The following FHIT variants were observed in gnomAD, a reference collection of about 807,000 sequenced individuals.
FHIT encodes the protein bis(5'-adenosyl)-triphosphatase.
Under a neutral mutation model 17.9 loss-of-function variants are expected in FHIT, and 19 were observed. The observed-to-expected ratio is 1.06, with a 90% CI of 0.74 to 1.56. The LOEUF is 1.56. FHIT is among the 40% of genes most tolerant of loss of function. The pLI, the probability that FHIT is intolerant of heterozygous loss-of-function variation, is 0.00. For missense variants in FHIT, 248 were observed against 189.2 expected (o/e 1.31, Z -1.82); for synonymous variants, 81 against 69.7 (o/e 1.16, Z -0.81).
intron 5 of FHIT, among the ~76,000 whole-genome samples, chr3:60,376,140 A>G (rs751502572): frequency 1.3e-5 from 2 of 152,112 alleles, no homozygotes; most frequent in African/African-American, 4.8e-5. Context: ...TTATTTGTTT[A>G]ATGTCCATCT....
chr3:60,398,605 C>G (rs1701545342), intron 5 of FHIT, among the ~76,000 whole-genome samples: 1 of 152,126 alleles, frequency 6.6e-6, no homozygotes, highest in Admixed American at 6.6e-5. Flanking sequence ...AGTATGAATA[C>G]TTTATAATCT....
chr3:60,262,027 T>C (rs1178932642), intron 5 of FHIT, among the ~76,000 whole-genome samples: 2 of 152,040 alleles, frequency 1.3e-5, no homozygotes, highest in Non-Finnish European at 2.9e-5. Context: ...CATTAAAACA[T>C]GTACATTTCC....
intron 2 of FHIT, among the ~76,000 whole-genome samples, chr3:61,050,748 T>G (rs537655012): frequency 2.0e-5 from 3 of 152,364 alleles, no homozygotes; most frequent in African/African-American, 7.2e-5. Flanking sequence ...ATGCTATTAG[T>G]TCTACATTTG....
chr3:60,369,667 G>A (rs1373679138), intron 5 of FHIT, among the ~76,000 whole-genome samples: 1 of 152,096 alleles, frequency 6.6e-6, no homozygotes, highest in African/African-American at 2.4e-5. Context: ...CCTAAGGTAG[G>A]TCTCCTTCTA....
chr3:59,806,545 T>C (rs1700203295), intron 8 of FHIT, among the ~76,000 whole-genome samples: 1 of 152,118 alleles, frequency 6.6e-6, no homozygotes. Context: ...TTTTGCCTGC[T>C]TGACTCTCTC....
At chr3:60,084,307 T>C (rs976039415) in intron 5 of FHIT, among the ~76,000 whole-genome samples, 1 of 152,150 alleles carries the variant, frequency 6.6e-6, no homozygotes, top group Non-Finnish European at 1.5e-5. Flanking sequence ...TAAATCAAGG[T>C]GGAGTCTTAA....
chr3:60,300,504 T>G (rs1313727198), intron 5 of FHIT, among the ~76,000 whole-genome samples: 2 of 152,096 alleles, frequency 1.3e-5, no homozygotes, highest in African/African-American at 2.4e-5. Context: ...GGCAGCCCCA[T>G]ATTTTGTTTT....
intron 1 of FHIT, among the ~76,000 whole-genome samples, chr3:61,223,907 T>C (rs919878576): frequency 7.1e-6 from 1 of 140,118 alleles, no homozygotes; most frequent in Non-Finnish European, 1.6e-5. Flanking sequence ...TCTGCCCCTC[T>C]TAAGAACCAT....
intron 5 of FHIT, among the ~76,000 whole-genome samples, chr3:60,026,305 A>C (rs1279925196): frequency 7.5e-6 from 1 of 133,004 alleles, no homozygotes; most frequent in Non-Finnish European, 1.6e-5. Context: ...AGCTGAACGA[A>C]TGGTTGGTTT....
At chr3:59,893,657 T>C (rs552780554) in intron 8 of FHIT, among the ~76,000 whole-genome samples, 50 of 152,346 alleles carry the variant, frequency 3.3e-4, no homozygotes, top group African/African-American at 9.6e-4. Context: ...GACAATACCA[T>C]TTCCACTGAT....
intron 5 of FHIT, among the ~76,000 whole-genome samples, chr3:60,489,058 C>T (rs1351210169): frequency 3.3e-5 from 5 of 152,024 alleles, no homozygotes; most frequent in Admixed American, 2.6e-4. Flanking sequence ...CAAGAGAGAC[C>T]ATGAGCAGTG....
At chr3:60,655,154 T>C (rs1022112996) in intron 4 of FHIT, among the ~76,000 whole-genome samples, 1 of 152,074 alleles carries the variant, frequency 6.6e-6, no homozygotes, top group Non-Finnish European at 1.5e-5. Context: ...AAAAAATAAA[T>C]AAGTGTTAAC....
intron 5 of FHIT, among the ~76,000 whole-genome samples, chr3:60,389,229 G>A (rs140011481): frequency 6.6e-6 from 1 of 152,138 alleles, no homozygotes; most frequent in Non-Finnish European, 1.5e-5. Flanking sequence ...AAACTCTGGA[G>A]CAAGGGCCTA....
chr3:60,163,766 A>G (rs767039374), intron 5 of FHIT, among the ~76,000 whole-genome samples: 51 of 152,306 alleles, frequency 3.3e-4, no homozygotes, highest in Non-Finnish European at 6.3e-4. Flanking sequence ...AGATGCTGGT[A>G]GCACCTACCC....
At chr3:60,872,046 G>A (rs1704439911) in intron 3 of FHIT, among the ~76,000 whole-genome samples, 1 of 151,992 alleles carries the variant, frequency 6.6e-6, no homozygotes, top group East Asian at 1.9e-4. Context: ...AATATGAGCA[G>A]GTGAATACAA....
At chr3:59,923,467 A>G (rs1049353850) in intron 7 of FHIT, among the ~76,000 whole-genome samples, 3 of 152,172 alleles carry the variant, frequency 2.0e-5, no homozygotes, top group Admixed American at 6.5e-5. Context: ...GGTAATATAC[A>G]TAGCAATGCT....
chr3:60,711,998 A>G (rs1205219869), intron 4 of FHIT, among the ~76,000 whole-genome samples: 1 of 152,206 alleles, frequency 6.6e-6, no homozygotes, highest in Non-Finnish European at 1.5e-5. Context: ...GAAATGAAGG[A>G]AAAAATGTTA....
intron 1 of FHIT, among the ~76,000 whole-genome samples, chr3:61,235,876 C>T (rs561807732): frequency 4.6e-5 from 7 of 152,224 alleles, no homozygotes; most frequent in African/African-American, 1.4e-4. Context: ...ACCCCATTCA[C>T]CTTGTCCTGT....
intron 5 of FHIT, among the ~76,000 whole-genome samples, chr3:60,031,914 C>A (rs1006625813): frequency 6.6e-6 from 1 of 152,088 alleles, no homozygotes; most frequent in Non-Finnish European, 1.5e-5. Context: ...ACTGTAGTAA[C>A]AGCAGTACCT....
Sources: gnomAD v4.1 joint callset for allele counts (sites outside exome capture counted in the v4.1 genomes callset) on GRCh38, gnomAD v4.1.1 for gene constraint, MANE v1.5 for transcripts, NCBI Gene and HGNC (gene_info 2026-07-23, HGNC 2026-07-21) for gene names.